The following KLHDC4 variants were observed in gnomAD, a reference collection of about 807,000 sequenced individuals.
The protein encoded by KLHDC4 is kelch domain containing 4, also known as kelch domain-containing protein 4.
Under a neutral mutation model 62.4 loss-of-function variants are expected in KLHDC4, and 90 were observed. That is an observed-to-expected ratio of 1.44 (90% CI 1.22 to 1.72). The LOEUF is 1.72. Among genes scored for constraint, KLHDC4 ranks in the 40% most tolerant of loss-of-function variants. KLHDC4 has a pLI of 0.00. For missense variants in KLHDC4, 1,025 were observed against 699.7 expected (o/e 1.47, Z -5.25); for synonymous variants, 386 against 284.4 (o/e 1.36, Z -3.59).
chr16:87,716,102 T>C (rs1348430535), intron 7 of KLHDC4, among the ~76,000 whole-genome samples: 1 of 151,976 alleles, frequency 6.6e-6, no homozygotes, highest in African/African-American at 2.4e-5. Flanking sequence ...GATACTGACG[T>C]AGACTTTGGG....
At chr16:87,720,262 G>A (rs1420707170) in intron 7 of KLHDC4, among the ~76,000 whole-genome samples, 2 of 152,150 alleles carry the variant, frequency 1.3e-5, no homozygotes, top group South Asian at 2.1e-4. Context: ...GGTCCTGGGA[G>A]AAGACAGTGC....
At chr16:87,706,648 C>T (rs538784044), downstream of KLHDC4, among the ~76,000 whole-genome samples, 6 of 152,346 alleles carry the variant, frequency 3.9e-5, no homozygotes, top group East Asian at 3.9e-4. Context: ...GAGGTCACAC[C>T]GATGGCAGTG....
chr16:87,737,246 A>T (rs2041485536), intron 5 of KLHDC4, among the ~76,000 whole-genome samples: 2 of 151,964 alleles, frequency 1.3e-5, no homozygotes, highest in South Asian at 4.2e-4. Flanking sequence ...AAATGACATC[A>T]CATGAAGTTA....
At chr16:87,736,717 A>G (rs770726949) in intron 5 of KLHDC4, among the ~76,000 whole-genome samples, 4 of 152,186 alleles carry the variant, frequency 2.6e-5, no homozygotes, top group Non-Finnish European at 5.9e-5. Flanking sequence ...AATGATTACT[A>G]CTCAGAGAAA....
At chr16:87,762,699 A>G (rs538902132) in intron 1 of KLHDC4, among the ~76,000 whole-genome samples, 9 of 152,304 alleles carry the variant, frequency 5.9e-5, no homozygotes, top group Admixed American at 1.3e-4. Flanking sequence ...TTTTACTACC[A>G]TCGAGAGTGA....
At chr16:87,742,111 A>T (rs2042324016) in intron 5 of KLHDC4, among the ~76,000 whole-genome samples, 1 of 152,016 alleles carries the variant, frequency 6.6e-6, no homozygotes, top group African/African-American at 2.4e-5. Context: ...AAAATGACAG[A>T]GGAAAAACAG....
intron 4 of KLHDC4, among the ~76,000 whole-genome samples, chr16:87,753,621 G>A (rs749851346): frequency 6.6e-6 from 1 of 150,886 alleles, no homozygotes; most frequent in African/African-American, 2.5e-5. Context: ...CCAACATGGT[G>A]AAACCCCGTC....
chr16:87,702,783 G>A (rs148543819), upstream of KLHDC4, among the ~76,000 whole-genome samples: 6 of 152,190 alleles, frequency 3.9e-5, no homozygotes, highest in East Asian at 1.9e-4. Flanking sequence ...CTTCCAAGTC[G>A]GCCCTGGCGC....
chr16:87,712,807 C>T (rs11859475), intron 8 of KLHDC4, among the ~76,000 whole-genome samples: 18,864 of 152,238 alleles, frequency 0.12, 1,383 homozygotes, highest in South Asian at 0.22. Flanking sequence ...CCTGGGGAGG[C>T]TGGAGAACTT....
chr16:87,744,885 A>G (rs1294219926), intron 5 of KLHDC4, among the ~76,000 whole-genome samples: 1 of 152,148 alleles, frequency 6.6e-6, no homozygotes, highest in African/African-American at 2.4e-5. Flanking sequence ...GAGCACACAC[A>G]CGCTCACACG....
chr16:87,719,920 C>T (rs1436191357), intron 7 of KLHDC4, among the ~76,000 whole-genome samples: 3 of 152,214 alleles, frequency 2.0e-5, no homozygotes, highest in Non-Finnish European at 4.4e-5. Context: ...CGGCCGCACA[C>T]GCCAAGTCCC....
At position 87,743,469 on chromosome 16, in the gene KLHDC4, G is replaced by A. The variant is rs374783234; in HGVS notation, c.506+5204C>T. On this transcript the variant is annotated intron_variant, in intron 5 of 11. Transcript: ENST00000270583. ...AAAAAAATAAACCTGGCCAGGCGCCGTGGCTCATGCCTGTAATCTCAGCAC... is the reference window on the plus strand; with the variant it reads ...AAAAAAATAAACCTGGCCAGGCGCCATGGCTCATGCCTGTAATCTCAGCAC... Among the ~76,000 whole-genome samples, 6 of 152,252 alleles carry A rather than the reference G, an allele frequency of 3.9e-5. No homozygotes were observed. The East Asian group carries it at 9.7e-4, about 25-fold the overall frequency.
At chr16:87,749,248 T>C (rs1030318184) in intron 4 of KLHDC4, among the ~76,000 whole-genome samples, 2 of 151,976 alleles carry the variant, frequency 1.3e-5, no homozygotes, top group Non-Finnish European at 2.9e-5. Context: ...AGAAGTACAA[T>C]GTGCACGTAA....
At chr16:87,755,534 AGGACT>A in intron 3 of KLHDC4, 1 of 337,658 alleles carries the variant, frequency 3.0e-6, no homozygotes, top group South Asian at 3.2e-5. Context: ...CGTTGTTATT[AGGACT>A]GGTCATTCTC....
At chr16:87,758,616 T>G (rs1341638564) in intron 2 of KLHDC4, among the ~76,000 whole-genome samples, 1 of 152,050 alleles carries the variant, frequency 6.6e-6, no homozygotes. Flanking sequence ...TGGGCTACAA[T>G]GGAAGAAGAA....
At chr16:87,744,887 G>A (rs182655429) in intron 5 of KLHDC4, among the ~76,000 whole-genome samples, 73 of 152,160 alleles carry the variant, frequency 4.8e-4, no homozygotes, top group Non-Finnish European at 7.8e-4. Flanking sequence ...GCACACACAC[G>A]CTCACACGCA....
At chr16:87,764,080 C>G (rs1461132487) in intron 1 of KLHDC4, among the ~76,000 whole-genome samples, 1 of 152,128 alleles carries the variant, frequency 6.6e-6, no homozygotes, top group African/African-American at 2.4e-5. Flanking sequence ...CCAAACTGTC[C>G]CCAATCCTTC....
intron 5 of KLHDC4, among the ~76,000 whole-genome samples, chr16:87,736,466 G>C (rs533284315): frequency 3.3e-5 from 5 of 152,166 alleles, no homozygotes; most frequent in Non-Finnish European, 5.9e-5. Context: ...CTCATCCTCA[G>C]ACTAGAGAGC....
In KLHDC4 at chr16:87,711,219, T is replaced by G; in HGVS notation, c.1044+16A>C. On this transcript the variant is annotated intron_variant, in intron 9 of 11. Coordinates refer to ENST00000270583, the MANE Select transcript of KLHDC4 (RefSeq NM_017566.4). ...GGCTGCGCACCACGGCGCATGCTAC[T>G]CAGAGGTTGCACTACCTTCAGCTGT... 6.2e-7 allele frequency: 1 copy of G among 1,613,524 alleles called. No individual in the cohort carries two copies. Among genetic ancestry groups the G allele is most frequent in the Non-Finnish European group, 8.5e-7 (1 of 1,179,734 alleles).
Sources: allele counts gnomAD v4.1 joint callset (sites outside exome capture counted in the v4.1 genomes callset), GRCh38; gene constraint gnomAD v4.1.1; transcripts MANE v1.5; gene names NCBI Gene and HGNC (gene_info 2026-07-23, HGNC 2026-07-21).